The following GRIK2 variants were observed in gnomAD, a reference collection of about 807,000 sequenced individuals.
GRIK2 encodes the protein glutamate receptor ionotropic, kainate 2.
GRIK2 carries 32 observed loss-of-function variants against 100.3 expected under a neutral mutation model. The ratio of observed to expected loss-of-function variants is 0.32; its 90% CI spans 0.24 to 0.43. The LOEUF is 0.43. GRIK2 is among the 20% of genes least tolerant of loss of function. GRIK2 has a pLI of 1.00. For synonymous variants in GRIK2, 417 were observed against 389.4 expected (o/e 1.07, Z -0.83); for missense variants, 843 against 1,114.9 (o/e 0.76, Z 3.47).
intron 2 of GRIK2, among the ~76,000 whole-genome samples, chr6:101,409,375 CAAT>C (rs1775765991): frequency 6.6e-6 from 1 of 151,932 alleles, no homozygotes; most frequent in Non-Finnish European, 1.5e-5. Flanking sequence ...GATGTTCACA[CAAT>C]GATGAAATCA....
chr6:101,871,239 T>C (rs1785395757), intron 11 of GRIK2, among the ~76,000 whole-genome samples: 1 of 119,122 alleles, frequency 8.4e-6, no homozygotes, highest in South Asian at 3.2e-4. Context: ...ATTTCTAGAA[T>C]GTATTACATG....
chr6:101,505,305 C>G (rs1677531864), intron 2 of GRIK2, among the ~76,000 whole-genome samples: 2 of 152,058 alleles, frequency 1.3e-5, no homozygotes, highest in Non-Finnish European at 2.9e-5. Flanking sequence ...GAAAATGTTG[C>G]TCAAACTTAT....
intron 2 of GRIK2, among the ~76,000 whole-genome samples, chr6:101,584,191 T>C (rs1029978520): frequency 2.0e-5 from 3 of 152,102 alleles, no homozygotes; most frequent in Non-Finnish European, 2.9e-5. Flanking sequence ...TTTGTAATAC[T>C]CAGTTTTACT....
intron 14 of GRIK2, among the ~76,000 whole-genome samples, chr6:101,950,575 C>T (rs1258053762): frequency 6.6e-6 from 1 of 152,134 alleles, no homozygotes; most frequent in East Asian, 1.9e-4. Context: ...CTCTTATCTT[C>T]CCCACATTTT....
chr6:101,621,914 G>T (rs1398273300), intron 2 of GRIK2, 35 bp from the exon 3 acceptor site: 1 of 1,460,556 alleles, frequency 6.8e-7, no homozygotes, highest in East Asian at 2.3e-5. Context: ...GTTTATTCTT[G>T]TAAAATTTAT....
chr6:101,885,888 C>G (rs915794488), intron 11 of GRIK2, among the ~76,000 whole-genome samples: 4 of 152,002 alleles, frequency 2.6e-5, no homozygotes. Flanking sequence ...ACATTTGTTA[C>G]AGTTGATGAT....
intron 2 of GRIK2, among the ~76,000 whole-genome samples, chr6:101,610,897 C>A (rs142096800): frequency 6.6e-6 from 1 of 151,664 alleles, no homozygotes; most frequent in Non-Finnish European, 1.5e-5. Context: ...TCAGTTTGAT[C>A]AGTTCTATTT....
intron 10 of GRIK2, among the ~76,000 whole-genome samples, chr6:101,838,279 C>T (rs1783267866): frequency 6.6e-6 from 1 of 152,066 alleles, no homozygotes; most frequent in Non-Finnish European, 1.5e-5. Flanking sequence ...TCATGTAAAA[C>T]TTGTATTAAA....
chr6:101,807,806 G>A (rs747788173), intron 9 of GRIK2, among the ~76,000 whole-genome samples: 7 of 152,038 alleles, frequency 4.6e-5, no homozygotes, highest in Non-Finnish European at 8.8e-5. Flanking sequence ...TTCCTGAGGT[G>A]CTCACTCCAG....
At chr6:101,706,861 C>CAGAT (rs1489441231) in intron 7 of GRIK2, among the ~76,000 whole-genome samples, 2 of 151,898 alleles carry the variant, frequency 1.3e-5, no homozygotes, top group Non-Finnish European at 2.9e-5. Context: ...TGCAAAGGTG[C>CAGAT]AGATGCTAGA....
intron 2 of GRIK2, among the ~76,000 whole-genome samples, chr6:101,412,540 A>G (rs1294399989): frequency 6.6e-6 from 1 of 152,050 alleles, no homozygotes; most frequent in Non-Finnish European, 1.5e-5. Context: ...AATATTGAAG[A>G]AAAAACTCAA....
At chr6:101,959,357 T>C (rs1033245805) in intron 14 of GRIK2, among the ~76,000 whole-genome samples, 5 of 152,140 alleles carry the variant, frequency 3.3e-5, no homozygotes, top group African/African-American at 2.4e-5. Context: ...CTCTAGTTTT[T>C]CTAGTTTGTA....
intron 3 of GRIK2, among the ~76,000 whole-genome samples, chr6:101,625,756 T>C (rs977841580): frequency 1.3e-5 from 2 of 152,170 alleles, no homozygotes; most frequent in South Asian, 2.1e-4. Flanking sequence ...AAAACACTTA[T>C]AGCATCCAAA....
In GRIK2 at chr6:101,805,311, C is replaced by T. The variant is rs1324185696; in HGVS notation, c.1203+2873C>T. Among the ~76,000 whole-genome samples the T allele has an allele frequency of 3.0e-5, 4 of 132,242 alleles. No individual in the cohort carries two copies. The East Asian group carries it at 1.1e-3, about 36-fold the overall frequency. 86.8% of individuals were successfully genotyped at this position (132,242 alleles called of 152,430 possible). On this transcript the variant is annotated intron_variant, in intron 9 of 16. Coordinates refer to ENST00000369134, the MANE Select transcript of GRIK2 (RefSeq NM_021956.5). ...AACTTCTCTGTGCCAAATTCATCAC[C>T]TTAAAAAAAAAAAAAAGTGCAGGGC... is the stretch of plus-strand genomic sequence containing the variant.
intron 4 of GRIK2, among the ~76,000 whole-genome samples, chr6:101,661,567 G>A (rs1233315561): frequency 6.6e-6 from 1 of 152,066 alleles, no homozygotes; most frequent in Non-Finnish European, 1.5e-5. Context: ...TCAAATGGCT[G>A]CCCAGTTTTG....
At chr6:101,811,854 AG>A (rs1250772111) in intron 9 of GRIK2, among the ~76,000 whole-genome samples, 4 of 151,720 alleles carry the variant, frequency 2.6e-5, no homozygotes, top group African/African-American at 7.2e-5. Flanking sequence ...TAAACAATAA[AG>A]AAGCAACTAA....
Position 101,565,933 on chromosome 6 carries a change from GTGTATATATA to G in GRIK2, c.116-56014_116-56005del, listed in dbSNP as rs1389387120. Among the ~76,000 whole-genome samples the G allele has an allele frequency of 9.6e-4, 60 of 62,766 alleles. 2 individuals carry two copies. The highest frequency in any genetic ancestry group is 2.8e-3 in the African/African-American group (54 of 19,550). The allele number at this position is 62,766 out of a possible 152,430, so 41.2% of individuals were successfully genotyped here. On this transcript the variant is annotated intron_variant, in intron 2 of 16. Transcript: ENST00000369134. ...ACCTATTTTATATATATATATATAT[GTGTATATATA>G]TATATATATATATATAAGCAAACTA... is the stretch of plus-strand genomic sequence containing the variant.
chr6:101,827,581 G>T (rs1782419087), intron 10 of GRIK2, among the ~76,000 whole-genome samples: 1 of 151,806 alleles, frequency 6.6e-6, no homozygotes, highest in Non-Finnish European at 1.5e-5. Context: ...GATGGAGAAA[G>T]ATCTGTCACA....
intron 14 of GRIK2, among the ~76,000 whole-genome samples, chr6:101,984,584 G>A (rs937675911): frequency 7.0e-6 from 1 of 143,134 alleles, no homozygotes; most frequent in South Asian, 2.3e-4. Flanking sequence ...AGATATACTT[G>A]TGGTTTATAT....
Sources: gnomAD v4.1 joint callset for allele counts (sites outside exome capture counted in the v4.1 genomes callset) on GRCh38, gnomAD v4.1.1 for gene constraint, MANE v1.5 for transcripts, NCBI Gene and HGNC (gene_info 2026-07-23, HGNC 2026-07-21) for gene names.